KLHL4: variants seen among roughly 807,000 people sequenced by gnomAD.
The protein encoded by KLHL4 is kelch like family member 4, also known as kelch-like protein 4.
KLHL4 carries 17 observed loss-of-function variants against 45.8 expected under a neutral mutation model. The observed-to-expected ratio is 0.37, with a 90% CI of 0.25 to 0.56. KLHL4 has a LOEUF of 0.56. Ranked by LOEUF, KLHL4 falls within the 20% of genes least tolerant of loss-of-function variation. KLHL4 has a pLI of 0.79. For missense variants in KLHL4, 544 were observed against 544.9 expected (o/e 1.00, Z 0.02); for synonymous variants, 224 against 189.9 (o/e 1.18, Z -1.47).
Position 87,547,908 on chromosome X carries a change from CT to C in KLHL4, c.422+29595del, listed in dbSNP as rs1419287603. On this transcript the variant is annotated intron_variant, in intron 1 of 10. Transcript: ENST00000373119. Reference sequence around the variant, plus strand: ...AAGGGCAGATCTTAAAGTTATTCACCTTAAAGAAAAGGTAGAGATGGGGTAG... The same window carrying C: ...AAGGGCAGATCTTAAAGTTATTCACCTAAAGAAAAGGTAGAGATGGGGTAG... 8.8e-3 allele frequency among the ~76,000 whole-genome samples: 976 copies of C among 111,465 alleles called. 7 individuals are homozygous for C. The highest frequency in any genetic ancestry group is 0.03 in the African/African-American group (925 of 30,710).
intron 9 of KLHL4, among the ~76,000 whole-genome samples, chrX:87,662,484 G>A (rs1172426809): frequency 3.6e-5 from 4 of 111,687 alleles, no homozygotes; most frequent in Non-Finnish European, 7.5e-5. Context: ...TTAATCTTTG[G>A]GAGTCAGTAT....
At chrX:87,624,759 G>T (rs187873761) in intron 5 of KLHL4, among the ~76,000 whole-genome samples, 11 of 112,029 alleles carry the variant, frequency 9.8e-5, no homozygotes, top group African/African-American at 2.9e-4. Context: ...TTTTATCAGT[G>T]TTAAATAAGG....
intron 7 of KLHL4, among the ~76,000 whole-genome samples, chrX:87,633,525 C>G (rs775720942): frequency 1.8e-5 from 2 of 111,508 alleles, no homozygotes; most frequent in Non-Finnish European, 3.8e-5. Context: ...TTCAGTGTTA[C>G]AACAATAGTA....
At chrX:87,620,511 C>T (rs1922714136) in intron 4 of KLHL4, among the ~76,000 whole-genome samples, 3 of 111,531 alleles carry the variant, frequency 2.7e-5, no homozygotes, top group Non-Finnish European at 5.7e-5. Context: ...CTAGGTTTTT[C>T]CTCTTCATTT....
chrX:87,614,464 T>G lies in KLHL4; in HGVS notation c.621T>G (p.Phe207Leu), dbSNP rs2147813846. ...RLVLSAVSDY[F>L]AAMFTNDVLE... ...TTCTCAGCGCAGTGTCTGATTATTT[T>G]GCTGCAATGTTTACTAATGATGTGC... is the stretch of plus-strand genomic sequence containing the variant. Residue 207 changes from phenylalanine (F) to leucine (L), a missense_variant, in exon 3 of 11, where the codon TTT becomes TTG. By Grantham distance (22) the Phe-to-Leu change is conservative (BLOSUM62 0). Coordinates refer to ENST00000373119, the MANE Select transcript of KLHL4 (RefSeq NM_019117.5). 3 of 1,209,094 alleles carry G rather than the reference T, an allele frequency of 2.5e-6. No homozygotes were observed. The South Asian group carries it at 5.3e-5, about 21-fold the overall frequency.
chrX:87,633,604 CAG>C (rs1330573069), intron 7 of KLHL4, 143 bp from the exon 8 acceptor site: 20 of 405,253 alleles, frequency 4.9e-5, no homozygotes, highest in African/African-American at 2.3e-4. Flanking sequence ...AGCTTTACAA[CAG>C]AGTCAGTAAA....
At chrX:87,591,205 A>C (rs150404824) in intron 1 of KLHL4, among the ~76,000 whole-genome samples, 3,508 of 111,470 alleles carry the variant, frequency 0.031, 128 homozygotes, top group African/African-American at 0.11. Flanking sequence ...AGTGGTTTTG[A>C]TTTGCATTTC....
chrX:87,534,002 C>T (rs1473808046), intron 1 of KLHL4, among the ~76,000 whole-genome samples: 2 of 110,940 alleles, frequency 1.8e-5, no homozygotes, highest in African/African-American at 3.3e-5. Context: ...ACCACAAAAC[C>T]GGAAATAGGA....
chrX:87,637,303 T>C (rs1923293876), intron 9 of KLHL4, among the ~76,000 whole-genome samples: 1 of 111,677 alleles, frequency 9.0e-6, no homozygotes, highest in Non-Finnish European at 1.9e-5. Flanking sequence ...CATCAAGGGA[T>C]CACCCCCATA....
At chrX:87,549,087 A>G (rs1931749980) in intron 1 of KLHL4, among the ~76,000 whole-genome samples, 1 of 110,837 alleles carries the variant, frequency 9.0e-6, no homozygotes, top group African/African-American at 3.3e-5. Flanking sequence ...AGAATATCCC[A>G]TGCCAATGGA....
At chrX:87,533,267 C>T (rs1183914791) in intron 1 of KLHL4, among the ~76,000 whole-genome samples, 11 of 103,040 alleles carry the variant, frequency 1.1e-4, no homozygotes, top group South Asian at 4.8e-4. Context: ...ATGTTTATTG[C>T]GGCACTATTC....
intron 1 of KLHL4, among the ~76,000 whole-genome samples, chrX:87,549,138 A>G (rs915259857): frequency 9.0e-6 from 1 of 111,082 alleles, no homozygotes; most frequent in Non-Finnish European, 1.9e-5. Flanking sequence ...ATATCAGACA[A>G]AATAGAATTA....
intron 9 of KLHL4, among the ~76,000 whole-genome samples, chrX:87,642,793 G>T (rs1234097596): frequency 8.9e-6 from 1 of 112,013 alleles, no homozygotes; most frequent in Non-Finnish European, 1.9e-5. Flanking sequence ...GCAAGTAAAA[G>T]AAAGAAATGT....
chrX:87,580,436 A>G (rs1351413123), intron 1 of KLHL4, among the ~76,000 whole-genome samples: 4 of 111,112 alleles, frequency 3.6e-5, no homozygotes, highest in African/African-American at 6.5e-5. Flanking sequence ...CTGAATGGAT[A>G]AAAACGCAAG....
At chrX:87,657,494 A>G (rs967294393) in intron 9 of KLHL4, among the ~76,000 whole-genome samples, 6 of 111,618 alleles carry the variant, frequency 5.4e-5, no homozygotes, top group Non-Finnish European at 7.5e-5. Flanking sequence ...ATTAATGTAC[A>G]AGGCAGGTGA....
chrX:87,519,896 T>C (rs1489567179), intron 1 of KLHL4, among the ~76,000 whole-genome samples: 1 of 112,409 alleles, frequency 8.9e-6, no homozygotes, highest in Non-Finnish European at 1.9e-5. Context: ...ATATTTACAA[T>C]AAAATAGATG....
In KLHL4 at chrX:87,622,405, G is replaced by T; in HGVS notation, c.1119G>T (p.Leu373=). Residue 373 remains leucine, a synonymous_variant, in exon 5 of 11, where the codon CTG becomes CTT. Transcript: ENST00000373119. ...GGATGCTGCTTTCTTACATCAGACT[G>T]CCATTACTCCCACCACAGGTATGGA... The part of the protein sequence containing the change: ...ELGMLLSYIR[L]PLLPPQLLAD... 1 of 1,194,466 alleles carries T rather than the reference G, an allele frequency of 8.4e-7. No individual in the cohort carries two copies.
chrX:87,632,289 A>G lies in KLHL4; in HGVS notation c.1404A>G (p.Gln468=). The change falls in exon 7 of 11, where the codon CAA becomes CAG. Residue 468 remains glutamine (Q), a synonymous_variant. Transcript: ENST00000373119. ...GCACCATGAATGGCCGTAGGCTTCA[A>G]TTTGGAGTCGCAGTTATTGATAATA... ...HIGTMNGRRL[Q]FGVAVIDNKL... The G allele has an allele frequency of 1.7e-6, 2 of 1,209,417 alleles. No homozygotes were observed. Among genetic ancestry groups the G allele is most frequent in the East Asian group, 3.0e-5 (1 of 33,795 alleles).
intron 9 of KLHL4, among the ~76,000 whole-genome samples, chrX:87,657,272 G>A (rs749559231): frequency 8.9e-6 from 1 of 112,132 alleles, no homozygotes; most frequent in African/African-American, 3.2e-5. Flanking sequence ...GCTGGCCTGT[G>A]GAACACCCAG....
Sources: allele counts gnomAD v4.1 joint callset (sites outside exome capture counted in the v4.1 genomes callset), GRCh38; gene constraint gnomAD v4.1.1; transcripts MANE v1.5; gene names NCBI Gene and HGNC (gene_info 2026-07-23, HGNC 2026-07-21).